COMMD10: variants seen among roughly 807,000 people sequenced by gnomAD.
COMMD10 encodes the protein COMM domain-containing protein 10.
Under a neutral mutation model 28.9 loss-of-function variants are expected in COMMD10, and 33 were observed. The ratio of observed to expected loss-of-function variants is 1.14; its 90% CI spans 0.87 to 1.53. COMMD10 has a LOEUF of 1.53. COMMD10 is among the 40% of genes most tolerant of loss of function. The pLI, the probability that COMMD10 is intolerant of heterozygous loss-of-function variation, is 0.00. For synonymous variants in COMMD10, 110 were observed against 81.7 expected, an observed-to-expected ratio of 1.35 and a Z score of -1.87; for missense variants, 310 against 233.4, an observed-to-expected ratio of 1.33 and a Z score of -2.14.
intron 5 of COMMD10, among the ~76,000 whole-genome samples, chr5:116,256,658 T>A (rs994731304): frequency 6.6e-6 from 1 of 151,870 alleles, no homozygotes; most frequent in Non-Finnish European, 1.5e-5. Flanking sequence ...TGTAATGTTT[T>A]CATACACGTA....
chr5:116,235,509 G>T (rs1001963038), intron 5 of COMMD10, among the ~76,000 whole-genome samples: 2 of 152,160 alleles, frequency 1.3e-5, no homozygotes, highest in East Asian at 3.9e-4. Context: ...TCATTTAATT[G>T]GAGTATATCC....
intron 3 of COMMD10, among the ~76,000 whole-genome samples, chr5:116,092,062 A>C (rs1038837929): frequency 1.3e-5 from 2 of 152,202 alleles, no homozygotes; most frequent in Non-Finnish European, 2.9e-5. Flanking sequence ...TAATGTAAGA[A>C]ACAGAACAGG....
intron 2 of COMMD10, 122 bp downstream of exon 2, chr5:116,087,709 C>A: frequency 1.5e-6 from 1 of 653,042 alleles, no homozygotes; most frequent in Non-Finnish European, 2.7e-6. Flanking sequence ...GACACTGGTT[C>A]TGTGGAAGAT....
intron 4 of COMMD10, among the ~76,000 whole-genome samples, chr5:116,117,922 G>C (rs1263892996): frequency 6.6e-6 from 1 of 152,144 alleles, no homozygotes; most frequent in Non-Finnish European, 1.5e-5. Context: ...TTAAAAATGT[G>C]TCTTATTTTA....
chr5:116,121,538 A>G (rs1751435518), intron 4 of COMMD10, among the ~76,000 whole-genome samples: 1 of 152,152 alleles, frequency 6.6e-6, no homozygotes, highest in Non-Finnish European at 1.5e-5. Context: ...CTAGTTCTAG[A>G]TCCTTGAGGA....
intron 5 of COMMD10, among the ~76,000 whole-genome samples, chr5:116,154,283 A>G (rs1752633154): frequency 1.3e-5 from 2 of 152,162 alleles, no homozygotes; most frequent in South Asian, 2.1e-4. Context: ...TCTCTCTCCT[A>G]TTGTTTAATT....
In COMMD10 at chr5:116,112,532, G is replaced by A. The variant is rs112989179; in HGVS notation, c.399+19832G>A. On this transcript the variant is annotated intron_variant, in intron 4 of 6. Coordinates refer to ENST00000274458, the MANE Select transcript of COMMD10 (RefSeq NM_016144.4). ...CTGCCTCAGCCTCCTGAGTAGCTGT[G>A]ACTGTATATAGGTGCGCGCCACCAT... Among the ~76,000 whole-genome samples, 1,200 of 152,184 alleles carry A rather than the reference G, an allele frequency of 7.9e-3. 16 individuals carry two copies. Among genetic ancestry groups the A allele is most frequent in the African/African-American group, 0.027 (1,108 of 41,524 alleles).
rs1425470123 is a variant in COMMD10, at chr5:116,289,380, A to G, written c.511-2137A>G. On this transcript the variant is annotated intron_variant, in intron 5 of 6. Transcript: ENST00000274458. Reference sequence around the variant, plus strand: ...GACAACTACCTCCCCTAGTCTTTGCATACTGGCTTTGTGCAGGGGAAGACC... The same window carrying G: ...GACAACTACCTCCCCTAGTCTTTGCGTACTGGCTTTGTGCAGGGGAAGACC... Among the ~76,000 whole-genome samples, 4 of 151,948 alleles carry G rather than the reference A, an allele frequency of 2.6e-5. No individual in the cohort carries two copies. The East Asian group carries it at 7.7e-4, about 29-fold the overall frequency.
At chr5:116,176,240 T>A (rs1014391602) in intron 5 of COMMD10, among the ~76,000 whole-genome samples, 1 of 152,130 alleles carries the variant, frequency 6.6e-6, no homozygotes, top group Non-Finnish European at 1.5e-5. Context: ...GCCTCCTGAG[T>A]AGCTGAGATT....
intron 5 of COMMD10, among the ~76,000 whole-genome samples, chr5:116,233,682 C>T (rs1195529693): frequency 6.6e-6 from 1 of 152,076 alleles, no homozygotes; most frequent in Admixed American, 6.6e-5. Flanking sequence ...GGAAGCAGAA[C>T]ATTCCAGGTA....
chr5:116,151,055 G>C (rs1352246395), intron 5 of COMMD10, among the ~76,000 whole-genome samples: 3 of 150,916 alleles, frequency 2.0e-5, no homozygotes, highest in Non-Finnish European at 1.5e-5. Flanking sequence ...TTTATTGAGA[G>C]TTTTTGGCAT....
rs141357151 is a variant in COMMD10 at position 116,260,970 on chromosome 5, G to A, written c.511-30547G>A. Among the ~76,000 whole-genome samples, 40 of 151,846 alleles carry A rather than the reference G, an allele frequency of 2.6e-4. 3 individuals carry two copies. The highest frequency in any genetic ancestry group is 9.7e-4 in the African/African-American group (40 of 41,266). On this transcript the variant is annotated intron_variant, in intron 5 of 6. Coordinates refer to ENST00000274458, the MANE Select transcript of COMMD10 (RefSeq NM_016144.4). ...AATGTTGAAAATTACTAACAGATCT[G>A]TGCGATTGGTTTTGTATGCCTTGTG... is the stretch of plus-strand genomic sequence containing the variant.
chr5:116,258,707 C>T (rs1322109747), intron 5 of COMMD10, among the ~76,000 whole-genome samples: 3 of 151,648 alleles, frequency 2.0e-5, no homozygotes, highest in South Asian at 2.1e-4. Flanking sequence ...GACCCTTTTT[C>T]ATCCCTTCGT....
rs549231510 is a variant in COMMD10 at position 116,255,340 on chromosome 5, T to C, written c.511-36177T>C. Among the ~76,000 whole-genome samples, 390 of 151,850 alleles carry C rather than the reference T, an allele frequency of 2.6e-3. 1 individual carries two copies. The highest frequency in any genetic ancestry group is 4.4e-3 in the Non-Finnish European group (301 of 68,016). On this transcript the variant is annotated intron_variant, in intron 5 of 6. Coordinates refer to ENST00000274458, the MANE Select transcript of COMMD10 (RefSeq NM_016144.4). The stretch of plus-strand genomic sequence containing the variant: ...TTATGTGTGAATTTGATCCTGTCAT[T>C]ATGATGTTAGCTGGTTATTTTGCTC...
intron 4 of COMMD10, among the ~76,000 whole-genome samples, chr5:116,131,601 C>A (rs1257258600): frequency 6.6e-6 from 1 of 151,844 alleles, no homozygotes; most frequent in Non-Finnish European, 1.5e-5. Context: ...GATCACTTGT[C>A]TGAGAGGAAT....
At chr5:116,093,097 G>C (rs150169176) in intron 4 of COMMD10, among the ~76,000 whole-genome samples, 1 of 152,232 alleles carries the variant, frequency 6.6e-6, no homozygotes, top group East Asian at 1.9e-4. Flanking sequence ...AAAATTGTCT[G>C]GTATGGGCCC....
At chr5:116,264,176 C>G (rs935567845) in intron 5 of COMMD10, among the ~76,000 whole-genome samples, 1 of 151,736 alleles carries the variant, frequency 6.6e-6, no homozygotes, top group African/African-American at 2.4e-5. Flanking sequence ...CCATCTGGCT[C>G]TGCTTTCTCA....
chr5:116,275,982 C>G (rs1383618434), intron 5 of COMMD10, among the ~76,000 whole-genome samples: 1 of 150,324 alleles, frequency 6.7e-6, no homozygotes, highest in Admixed American at 6.6e-5. Context: ...ATGGTACTAC[C>G]CTTGACCTTA....
At chr5:116,113,129 T>G (rs1751111780) in intron 4 of COMMD10, among the ~76,000 whole-genome samples, 1 of 152,220 alleles carries the variant, frequency 6.6e-6, no homozygotes, top group Non-Finnish European at 1.5e-5. Flanking sequence ...CTTTCACACT[T>G]TGATTATGTC....
Sources: gnomAD v4.1 joint callset for allele counts (sites outside exome capture counted in the v4.1 genomes callset) on GRCh38, gnomAD v4.1.1 for gene constraint, MANE v1.5 for transcripts, NCBI Gene and HGNC (gene_info 2026-07-23, HGNC 2026-07-21) for gene names.